Variants in NR3C2 observed in about 807,000 individuals in gnomAD.
The protein encoded by NR3C2 is mineralocorticoid receptor.
In NR3C2, 15 loss-of-function variants were observed where a neutral mutation model predicts 86.4. That is an observed-to-expected ratio of 0.17 (90% CI 0.12 to 0.27). The LOEUF is 0.27. Ranked by LOEUF, NR3C2 falls within the 10% of genes least tolerant of loss-of-function variation. The probability of loss-of-function intolerance (pLI) is 1.00; values close to 1 mark genes in which losing one functional copy is unlikely to be tolerated. For synonymous variants in NR3C2, 458 were observed against 450.5 expected (o/e 1.02, Z -0.21); for missense variants, 960 against 1,195.6 (o/e 0.80, Z 2.91).
intron 2 of NR3C2, among the ~76,000 whole-genome samples, chr4:148,409,188 G>A (rs1748568660): frequency 6.6e-6 from 1 of 152,080 alleles, no homozygotes; most frequent in Admixed American, 6.5e-5. Context: ...CTGTCATTAG[G>A]AGAATATGTG....
intron 3 of NR3C2, among the ~76,000 whole-genome samples, chr4:148,249,105 C>T (rs182306146): frequency 6.6e-6 from 1 of 152,198 alleles, no homozygotes; most frequent in East Asian, 1.9e-4. Context: ...AGTGATAACA[C>T]TTACTGGAAA....
At chr4:148,097,213 C>A (rs1731316327) in intron 8 of NR3C2, among the ~76,000 whole-genome samples, 1 of 152,164 alleles carries the variant, frequency 6.6e-6, no homozygotes, top group African/African-American at 2.4e-5. Context: ...ATTTGTCATT[C>A]AAATAGACAA....
rs193096365 is a variant in NR3C2 at position 148,181,972 on chromosome 4, G to T, written c.2014+12774C>A. 3.4e-4 allele frequency among the ~76,000 whole-genome samples: 52 copies of T among 152,210 alleles called. 1 individual carries two copies. The East Asian group carries it at 7.9e-3, about 23-fold the overall frequency. ...CATTGTAAAGGAGAGGCCAGTTTGG[G>T]GACATGATTAGGACTACATGCTAAC... On this transcript the variant is annotated intron_variant, in intron 4 of 8. Coordinates refer to ENST00000358102, the MANE Select transcript of NR3C2 (RefSeq NM_000901.5).
intron 2 of NR3C2, among the ~76,000 whole-genome samples, chr4:148,347,453 G>A (rs1430478347): frequency 3.3e-5 from 5 of 151,972 alleles, no homozygotes; most frequent in South Asian, 4.1e-4. Context: ...GGTCACGTTC[G>A]CTTACCACTA....
chr4:148,400,286 T>C (rs1177296880), intron 2 of NR3C2, among the ~76,000 whole-genome samples: 1 of 152,206 alleles, frequency 6.6e-6, no homozygotes, highest in African/African-American at 2.4e-5. Flanking sequence ...AATTAGACTG[T>C]TCTCTAGACT....
chr4:148,305,487 T>C (rs1212261188), intron 2 of NR3C2, among the ~76,000 whole-genome samples: 2 of 151,456 alleles, frequency 1.3e-5, no homozygotes, highest in Non-Finnish European at 2.9e-5. Context: ...CAGCACTGTG[T>C]TGCAGAACTA....
At chr4:148,204,220 A>G (rs1736885352) in intron 3 of NR3C2, among the ~76,000 whole-genome samples, 1 of 152,228 alleles carries the variant, frequency 6.6e-6, no homozygotes, top group African/African-American at 2.4e-5. Flanking sequence ...AACACTTATT[A>G]TGGTGCGCAG....
intron 8 of NR3C2, among the ~76,000 whole-genome samples, chr4:148,110,369 G>C (rs1345891312): frequency 6.6e-6 from 1 of 152,202 alleles, no homozygotes; most frequent in East Asian, 1.9e-4. Context: ...GGTTTAAGCA[G>C]AACTTTGATC....
rs566923751 is a variant in NR3C2, at chr4:148,133,071, T to C, written c.2511-12783A>G. On this transcript the variant is annotated intron_variant, in intron 6 of 8. Coordinates refer to ENST00000358102, the MANE Select transcript of NR3C2 (RefSeq NM_000901.5). ...AAAATTAGTAGGGTGTGGGTCCTTA[T>C]AGTCCCAGCTACTTGGGAGGCTGAG... is the stretch of plus-strand genomic sequence containing the variant. 9.2e-5 allele frequency among the ~76,000 whole-genome samples: 14 copies of C among 151,868 alleles called. No individual in the cohort carries two copies. The East Asian group carries it at 2.5e-3, about 27-fold the overall frequency.
intron 3 of NR3C2, among the ~76,000 whole-genome samples, chr4:148,244,477 T>A (rs1739222351): frequency 6.6e-6 from 1 of 152,204 alleles, no homozygotes; most frequent in Non-Finnish European, 1.5e-5. Context: ...GTAAGTTTTG[T>A]CATTTATAGC....
intron 2 of NR3C2, among the ~76,000 whole-genome samples, chr4:148,409,531 T>C (rs1294005399): frequency 6.6e-6 from 1 of 152,196 alleles, no homozygotes; most frequent in Non-Finnish European, 1.5e-5. Flanking sequence ...CTTCACCTTT[T>C]CTGATGGACC....
chr4:148,327,999 T>C (rs6819635), intron 2 of NR3C2, among the ~76,000 whole-genome samples: 51,427 of 152,030 alleles, frequency 0.34, 9,954 homozygotes, highest in African/African-American at 0.54. Context: ...TTTGTTGCCT[T>C]AATACTATGC....
chr4:148,229,175 G>T (rs1025619461), intron 3 of NR3C2, among the ~76,000 whole-genome samples: 6 of 152,138 alleles, frequency 3.9e-5, no homozygotes, highest in Non-Finnish European at 8.8e-5. Flanking sequence ...AGGCATGCCC[G>T]CAATGAACTG....
intron 2 of NR3C2, among the ~76,000 whole-genome samples, chr4:148,427,838 C>G (rs1395764932): frequency 1.3e-5 from 2 of 152,122 alleles, no homozygotes; most frequent in African/African-American, 4.8e-5. Flanking sequence ...AAACCACTCT[C>G]AATGGGCTTC....
At chr4:148,396,144 C>A (rs1362668485) in intron 2 of NR3C2, among the ~76,000 whole-genome samples, 1 of 152,158 alleles carries the variant, frequency 6.6e-6, no homozygotes, top group Non-Finnish European at 1.5e-5. Context: ...ACAAAATAGT[C>A]TTGAATTTTA....
intron 3 of NR3C2, among the ~76,000 whole-genome samples, chr4:148,195,517 C>A (rs1736401152): frequency 6.6e-6 from 1 of 152,160 alleles, no homozygotes; most frequent in Admixed American, 6.5e-5. Context: ...CAGACAAAAG[C>A]CTCTGCTCTT....
intron 4 of NR3C2, among the ~76,000 whole-genome samples, chr4:148,180,675 G>A (rs934134083): frequency 3.9e-5 from 6 of 152,160 alleles, no homozygotes; most frequent in Non-Finnish European, 8.8e-5. Context: ...ACCTTTTAGT[G>A]TGGTCGTAAT....
chr4:148,333,535 T>TAAAAAAAAAAAAAAAA, intron 2 of NR3C2, among the ~76,000 whole-genome samples: 1 of 119,316 alleles, frequency 8.4e-6, no homozygotes, highest in Non-Finnish European at 1.9e-5. Flanking sequence ...GAAAGTCTCC[T>TAAAAAAAAAAAAAAAA]TAAAATCTCC....
At chr4:148,136,068 A>AC (rs913581190) in intron 6 of NR3C2, among the ~76,000 whole-genome samples, 2 of 96,186 alleles carry the variant, frequency 2.1e-5, no homozygotes, top group African/African-American at 7.1e-5. Context: ...AAAAAAAAAA[A>AC]AAAAAAAACA....
Sources: allele counts gnomAD v4.1 joint callset (sites outside exome capture counted in the v4.1 genomes callset), GRCh38; gene constraint gnomAD v4.1.1; transcripts MANE v1.5; gene names NCBI Gene and HGNC (gene_info 2026-07-23, HGNC 2026-07-21).